VWA3B: variants seen among roughly 807,000 people sequenced by gnomAD.
VWA3B encodes von Willebrand factor A domain-containing protein 3B.
A neutral mutation model predicts 158.3 loss-of-function variants in VWA3B; 138 were observed. The observed-to-expected ratio is 0.87, with a 90% CI of 0.76 to 1.00. VWA3B has a LOEUF of 1.00. Among genes scored for constraint, VWA3B ranks in the 50% least tolerant of loss-of-function variants. VWA3B has a pLI of 0.00. For missense variants in VWA3B, 1,555 were observed against 1,565.1 expected (o/e 0.99, Z 0.11); for synonymous variants, 596 against 587.3 (o/e 1.01, Z -0.21).
At chr2:98,207,736 G>T in intron 12 of VWA3B, 1 of 371,436 alleles carries the variant, frequency 2.7e-6, no homozygotes, top group Non-Finnish European at 5.2e-6. Context: ...TATTGTGAGG[G>T]GTCTTTTTGG....
At chr2:98,207,230 T>C in intron 12 of VWA3B, 1 of 534,632 alleles carries the variant, frequency 1.9e-6, no homozygotes, top group South Asian at 1.4e-5. Flanking sequence ...ACAGGCTATG[T>C]ACCTGCTGAT....
At chr2:98,266,233 G>A (rs1390305999) in intron 21 of VWA3B, among the ~76,000 whole-genome samples, 4 of 151,902 alleles carry the variant, frequency 2.6e-5, no homozygotes, top group Non-Finnish European at 4.4e-5. Flanking sequence ...AAGGTGTAAG[G>A]AAGGGATCCA....
At position 98,230,127 on chromosome 2, in the gene VWA3B, A is replaced by C. The variant is rs1181235566; in HGVS notation, c.2228A>C (p.Gln743Pro). 6 of 1,611,736 alleles carry C rather than the reference A, an allele frequency of 3.7e-6. No homozygotes were observed. Among genetic ancestry groups the C allele is most frequent in the Non-Finnish European group, 5.1e-6 (6 of 1,179,536 alleles). ...CCTCAATCTGATGTCGATTCAACAC[A>C]AACTTCATCTCTGAATATGTTGAAG... is the stretch of plus-strand genomic sequence containing the variant. Reference protein sequence around the residue: ...AKPQSDVDSTQTSSLNMLKGP... With the variant: ...AKPQSDVDSTPTSSLNMLKGP... The change falls in exon 16 of 28, where the codon CAA (glutamine) becomes CCA (proline). Residue 743 changes from glutamine (Q) to proline (P), a missense_variant. Physicochemically the swap from Gln to Pro is moderately conservative, Grantham distance 76. Coordinates refer to ENST00000477737, the MANE Select transcript of VWA3B (RefSeq NM_144992.5).
At chr2:98,175,037 G>A (rs1679890066) in intron 8 of VWA3B, among the ~76,000 whole-genome samples, 1 of 152,196 alleles carries the variant, frequency 6.6e-6, no homozygotes, top group African/African-American at 2.4e-5. Flanking sequence ...AACAAACTCT[G>A]GGCAGGTGGG....
intron 22 of VWA3B, among the ~76,000 whole-genome samples, chr2:98,275,485 G>A (rs916306586): frequency 6.6e-6 from 1 of 152,188 alleles, no homozygotes; most frequent in Non-Finnish European, 1.5e-5. Flanking sequence ...AGGACAAGAG[G>A]CAGAAACTCA....
chr2:98,139,680 T>C (rs1676594917), intron 7 of VWA3B, among the ~76,000 whole-genome samples: 2 of 152,086 alleles, frequency 1.3e-5, no homozygotes, highest in South Asian at 4.2e-4. Flanking sequence ...ATCTAGTTAA[T>C]CTAGTGGGGA....
intron 9 of VWA3B, among the ~76,000 whole-genome samples, chr2:98,181,836 G>A (rs1291522205): frequency 2.6e-5 from 4 of 152,182 alleles, no homozygotes; most frequent in East Asian, 1.9e-4. Flanking sequence ...CAGTAGGTCC[G>A]AAATGTGGCT....
intron 17 of VWA3B, among the ~76,000 whole-genome samples, chr2:98,235,577 C>T (rs13402201): frequency 0.17 from 25,478 of 152,040 alleles, 2,493 homozygotes; most frequent in Non-Finnish European, 0.2. Context: ...AGGCAGCCGC[C>T]AACAGGCCAA....
At chr2:98,277,323 C>T (rs1338572010) in intron 22 of VWA3B, among the ~76,000 whole-genome samples, 2 of 152,160 alleles carry the variant, frequency 1.3e-5, no homozygotes, top group Admixed American at 6.5e-5. Context: ...CCAGAGCCCT[C>T]AGAGCTGAAC....
At chr2:98,268,274 T>G (rs1049080916) in intron 21 of VWA3B, among the ~76,000 whole-genome samples, 1 of 151,900 alleles carries the variant, frequency 6.6e-6, no homozygotes. Flanking sequence ...TGATGAACAT[T>G]GATGCAAAAA....
Position 98,093,078 on chromosome 2 carries a change from G to A in VWA3B, c.-15G>A. The A allele has an allele frequency of 6.2e-7, 1 of 1,611,712 alleles. No homozygotes were observed. Among genetic ancestry groups the A allele is most frequent in the Non-Finnish European group, 8.5e-7 (1 of 1,178,330 alleles). ...CCTTACAGGAGTTTGCTGTGACTTA[G>A]ATCTTGATTCAGAGATGGAGAAATC... On this transcript the variant is annotated 5_prime_UTR_variant, in exon 2 of 28. An upstream open reading frame in the 5' UTR loses its in-frame stop. Transcript: ENST00000477737.
intron 2 of VWA3B, among the ~76,000 whole-genome samples, chr2:98,101,747 T>A (rs1196076212): frequency 6.6e-6 from 1 of 152,146 alleles, no homozygotes; most frequent in South Asian, 2.1e-4. Context: ...TAAATATCTT[T>A]TGAGTAGGGT....
chr2:98,194,691 C>T (rs971623824), intron 12 of VWA3B, among the ~76,000 whole-genome samples, 199 bp downstream of exon 12: 2 of 152,122 alleles, frequency 1.3e-5, no homozygotes, highest in Non-Finnish European at 2.9e-5. Flanking sequence ...TTAGATGAGC[C>T]TCTTATTCTT....
intron 12 of VWA3B, chr2:98,207,152 C>A: frequency 1.8e-6 from 1 of 545,302 alleles, no homozygotes; most frequent in Non-Finnish European, 3.7e-6. Flanking sequence ...CCTACCCTGG[C>A]CACTGACATG....
chr2:98,196,782 G>T lies in VWA3B; in HGVS notation c.1737+2290G>T, dbSNP rs575661463. ...GAAGAGTTGTTCTGTTTACCATCTGGAATACACATTTCTGCTGCCCAAATC... is the reference window on the plus strand; with the variant it reads ...GAAGAGTTGTTCTGTTTACCATCTGTAATACACATTTCTGCTGCCCAAATC... On this transcript the variant is annotated intron_variant, in intron 12 of 27. Transcript: ENST00000477737. Among the ~76,000 whole-genome samples, 105 of 152,292 alleles carry T rather than the reference G, an allele frequency of 6.9e-4. 1 individual carries two copies. Among genetic ancestry groups the T allele is most frequent in the Middle Eastern group, 3.4e-3 (1 of 294 alleles).
intron 22 of VWA3B, among the ~76,000 whole-genome samples, chr2:98,283,899 T>G (rs1231272141): frequency 6.6e-6 from 1 of 152,250 alleles, no homozygotes; most frequent in Non-Finnish European, 1.5e-5. Flanking sequence ...TGCCTCCTAG[T>G]CCAGCTCCTT....
At chr2:98,140,248 A>G (rs550041199) in intron 7 of VWA3B, among the ~76,000 whole-genome samples, 1 of 152,316 alleles carries the variant, frequency 6.6e-6, no homozygotes, top group South Asian at 2.1e-4. Flanking sequence ...TCCGGACACA[A>G]CCGCATGCCT....
At chr2:98,136,165 G>A (rs1332973897) in intron 7 of VWA3B, among the ~76,000 whole-genome samples, 3 of 152,228 alleles carry the variant, frequency 2.0e-5, no homozygotes, top group Admixed American at 6.5e-5. Context: ...ATGACCCCAT[G>A]CTCTGTACCA....
In VWA3B at chr2:98,188,118, G is replaced by C; in HGVS notation, c.1455G>C (p.Arg485=). The C allele has an allele frequency of 6.2e-7, 1 of 1,611,494 alleles. No homozygotes were observed. The highest frequency in any genetic ancestry group is 8.5e-7 in the Non-Finnish European group (1 of 1,178,862). ...YSERIHTALA[R]IRRRIKWLQD... ...AGAGAATCCACACAGCCCTGGCCCG[G>C]ATCCGAAGGAGGTTGGTGTTATTTG... is the stretch of plus-strand genomic sequence containing the variant. The change falls in exon 10 of 28, where the codon CGG becomes CGC. Residue 485 remains arginine, a synonymous_variant. Coordinates refer to ENST00000477737, the MANE Select transcript of VWA3B (RefSeq NM_144992.5).
Sources: gnomAD v4.1 joint callset for allele counts (sites outside exome capture counted in the v4.1 genomes callset) on GRCh38, gnomAD v4.1.1 for gene constraint, MANE v1.5 for transcripts, NCBI Gene and HGNC (gene_info 2026-07-23, HGNC 2026-07-21) for gene names.